The following ZNF536 variants were observed in gnomAD, a reference collection of about 807,000 sequenced individuals.
The protein encoded by ZNF536 is zinc finger protein 536.
A neutral mutation model predicts 84.5 loss-of-function variants in ZNF536; 13 were observed. The ratio of observed to expected loss-of-function variants is 0.15; its 90% CI spans 0.10 to 0.24. The LOEUF (loss-of-function observed/expected upper bound fraction) is 0.24, where lower values mean the gene tolerates loss of function less well. ZNF536 is among the 10% of genes least tolerant of loss of function. The pLI is 1.00. For synonymous variants in ZNF536, 811 were observed against 742.5 expected (o/e 1.09, Z -1.50); for missense variants, 1,536 against 1,747.5 (o/e 0.88, Z 2.16).
chr19:30,706,615 G>A (rs937614415), intron 1 of ZNF536, among the ~76,000 whole-genome samples: 13 of 152,294 alleles, frequency 8.5e-5, no homozygotes, highest in South Asian at 8.3e-4. Context: ...AGGTTTGGTC[G>A]CTTTGTTTCA....
chr19:30,394,421 A>T (rs2049726839), intron 1 of ZNF536, among the ~76,000 whole-genome samples: 1 of 151,948 alleles, frequency 6.6e-6, no homozygotes, highest in Non-Finnish European at 1.5e-5. Context: ...CATTTCCCTA[A>T]ACAGCCCTCT....
downstream of ZNF536, among the ~76,000 whole-genome samples, chr19:30,562,459 G>C (rs2046206455): frequency 6.6e-6 from 1 of 151,944 alleles, no homozygotes. Context: ...TGTTAAAATA[G>C]CAAAAGAAAA....
chr19:30,337,113 C>T (rs1401781619), intron 2 of ZNF536, among the ~76,000 whole-genome samples: 2 of 152,098 alleles, frequency 1.3e-5, no homozygotes, highest in African/African-American at 2.4e-5. Flanking sequence ...TTCTGATTCT[C>T]CTTTACCCCG....
At chr19:30,454,547 G>A (rs2052750138) in intron 2 of ZNF536, among the ~76,000 whole-genome samples, 1 of 152,198 alleles carries the variant, frequency 6.6e-6, no homozygotes, top group Non-Finnish European at 1.5e-5. Context: ...GCTAAAATAT[G>A]TGTTTTTATT....
intron 2 of ZNF536, among the ~76,000 whole-genome samples, chr19:30,469,111 CAT>C (rs1161878055): frequency 1.3e-5 from 2 of 152,206 alleles, no homozygotes; most frequent in African/African-American, 4.8e-5. Flanking sequence ...AGTCTCCAAA[CAT>C]AGACATAAAA....
chr19:30,454,354 G>A (rs2052741964), intron 2 of ZNF536, among the ~76,000 whole-genome samples: 2 of 152,154 alleles, frequency 1.3e-5, no homozygotes, highest in South Asian at 4.1e-4. Context: ...TTAGCACAGT[G>A]GTGGTCATCG....
chr19:30,379,674 G>A (rs751831118), intron 1 of ZNF536, among the ~76,000 whole-genome samples: 31 of 151,470 alleles, frequency 2.0e-4, no homozygotes, highest in African/African-American at 7.3e-4. Flanking sequence ...GAGGTGGGAC[G>A]ATGCCCAAGT....
intron 1 of ZNF536, among the ~76,000 whole-genome samples, chr19:30,259,386 G>T (rs1407295849): frequency 7.2e-5 from 11 of 152,202 alleles, no homozygotes; most frequent in Non-Finnish European, 1.5e-4. Flanking sequence ...GTCCTGAGAT[G>T]AACTAGGACT....
At chr19:30,441,631 C>T (rs893246855) in intron 1 of ZNF536, among the ~76,000 whole-genome samples, 1 of 152,124 alleles carries the variant, frequency 6.6e-6, no homozygotes. Flanking sequence ...AAAATGGGCC[C>T]GCGTATTTTA....
chr19:30,451,528 C>A (rs2052607165), intron 2 of ZNF536, among the ~76,000 whole-genome samples: 1 of 152,208 alleles, frequency 6.6e-6, no homozygotes, highest in Non-Finnish European at 1.5e-5. Context: ...CGTCACTTGG[C>A]ATTTCAGAAA....
intron 1 of ZNF536, among the ~76,000 whole-genome samples, chr19:30,431,633 A>C (rs1426284078): frequency 6.6e-6 from 1 of 152,236 alleles, no homozygotes; most frequent in Non-Finnish European, 1.5e-5. Flanking sequence ...ATGAAAATAA[A>C]CTGTTCGACA....
intron 1 of ZNF536, among the ~76,000 whole-genome samples, chr19:30,682,195 A>G (rs2051000637): frequency 6.6e-6 from 1 of 152,048 alleles, no homozygotes; most frequent in African/African-American, 2.4e-5. Context: ...AAGGGGATGA[A>G]ATCTTAATGG....
intron 1 of ZNF536, among the ~76,000 whole-genome samples, chr19:30,263,109 G>A (rs2025314256): frequency 6.6e-6 from 1 of 152,150 alleles, no homozygotes. Flanking sequence ...GGAGGTGGGA[G>A]GAGGGCTGCT....
intron 2 of ZNF536, among the ~76,000 whole-genome samples, chr19:30,450,075 A>ATTTTTT (rs34039352): frequency 2.3e-5 from 3 of 131,864 alleles, no homozygotes; most frequent in Non-Finnish European, 3.1e-5. Flanking sequence ...TAAGATCTTC[A>ATTTTTT]TTTTTTTTTT....
intron 1 of ZNF536, among the ~76,000 whole-genome samples, chr19:30,566,086 A>T (rs2046336316): frequency 6.6e-6 from 1 of 152,328 alleles, no homozygotes; most frequent in East Asian, 1.9e-4. Context: ...AAAGAAAGTC[A>T]CTTTCAGGGC....
intron 2 of ZNF536, among the ~76,000 whole-genome samples, chr19:30,522,273 A>ATATATATATATATATATGTGTATATT (rs1342291143): frequency 2.3e-5 from 2 of 85,124 alleles, no homozygotes; most frequent in African/African-American, 8.4e-5. Flanking sequence ...ATATATATAT[A>ATATATATATATATATATGTGTATATT]CATATATATA....
chr19:30,708,460 C>T (rs950770248), intron 1 of ZNF536, among the ~76,000 whole-genome samples: 2 of 152,156 alleles, frequency 1.3e-5, no homozygotes, highest in African/African-American at 4.8e-5. Flanking sequence ...GGCCAGTGGC[C>T]ATGAAAGATC....
intron 2 of ZNF536, among the ~76,000 whole-genome samples, chr19:30,529,323 A>G (rs558019459): frequency 1.3e-5 from 2 of 152,220 alleles, no homozygotes; most frequent in East Asian, 1.9e-4. Context: ...AAGATAGCCA[A>G]CCTCAGGGGT....
intron 1 of ZNF536, among the ~76,000 whole-genome samples, chr19:30,438,158 T>C (rs1659317751): frequency 6.6e-6 from 1 of 152,118 alleles, no homozygotes; most frequent in African/African-American, 2.4e-5. Context: ...GTATATTGCA[T>C]AATGCTGGGG....
Sources: allele counts gnomAD v4.1 joint callset (sites outside exome capture counted in the v4.1 genomes callset), GRCh38; gene constraint gnomAD v4.1.1; transcripts MANE v1.5; gene names NCBI Gene and HGNC (gene_info 2026-07-23, HGNC 2026-07-21).